CARD8: variants seen among roughly 807,000 people sequenced by gnomAD.
CARD8 encodes caspase recruitment domain-containing protein 8.
In CARD8, 38 loss-of-function variants were observed where a neutral mutation model predicts 53.2. That is an observed-to-expected ratio of 0.71 (90% CI 0.55 to 0.94). The LOEUF is 0.94. CARD8 is among the 40% of genes least tolerant of loss of function. The probability of loss-of-function intolerance (pLI) is 0.00; values close to 1 mark genes in which losing one functional copy is unlikely to be tolerated. For missense variants in CARD8, 561 were observed against 655.5 expected, an observed-to-expected ratio of 0.86 and a Z score of 1.57; for synonymous variants, 245 against 244.9, an observed-to-expected ratio of 1.00 and a Z score of 0.00.
chr19:48,206,255 T>G, downstream of CARD8: 1 of 336,668 alleles, frequency 3.0e-6, no homozygotes, highest in South Asian at 2.3e-5. Context: ...ACAGAAGAGT[T>G]TGGTGTTTTG....
intron 3 of CARD8, among the ~76,000 whole-genome samples, chr19:48,247,027 C>T (rs1549141): frequency 0.25 from 38,771 of 152,126 alleles, 5,714 homozygotes; most frequent in African/African-American, 0.4. Context: ...TGGCACTCTT[C>T]ATAAATACAA....
At position 48,215,356 on chromosome 19, in the gene CARD8, G is replaced by A; in HGVS notation, c.1332C>T (p.Ala444=). 1 of 1,611,162 alleles carries A rather than the reference G, an allele frequency of 6.2e-7. No homozygotes were observed. Among genetic ancestry groups the A allele is most frequent in the South Asian group, 1.1e-5 (1 of 91,008 alleles). ...PVDLQLVAAS[A]PPPFSGAAFV... ...TTCACTTACCTGAGAAAGGAGGAGG[G>A]GCTGATGCAGCTACAAGCTGGAGAT... The change falls in exon 13 of 14, where the codon GCC becomes GCT. Residue 444 remains alanine, a synonymous_variant. Transcript: ENST00000651546.
At chr19:48,227,279 G>C (rs770746178) in intron 10 of CARD8, among the ~76,000 whole-genome samples, 8 of 152,154 alleles carry the variant, frequency 5.3e-5, no homozygotes, top group Non-Finnish European at 7.3e-5. Context: ...CATATGGAGA[G>C]GGGAGGTTGG....
downstream of CARD8, among the ~76,000 whole-genome samples, chr19:48,207,432 A>G (rs1438192293): frequency 1.3e-5 from 2 of 152,168 alleles, no homozygotes; most frequent in African/African-American, 2.4e-5. Flanking sequence ...ACTCACCAGT[A>G]GTAGGCATTA....
At chr19:48,236,327 C>T (rs774538758) in intron 5 of CARD8, among the ~76,000 whole-genome samples, 20 of 152,154 alleles carry the variant, frequency 1.3e-4, no homozygotes, top group Non-Finnish European at 2.9e-4. Flanking sequence ...ATTCTCCTGC[C>T]TCAGCGTCCC....
At position 48,211,474 on chromosome 19, in the gene CARD8, G is replaced by T; in HGVS notation, c.*236C>A. The T allele has an allele frequency of 2.1e-6, 1 of 481,914 alleles. No individual in the cohort carries two copies. The highest frequency in any genetic ancestry group is 2.9e-5 in the South Asian group (1 of 34,966). The allele number at this position is 481,914 out of a possible 1,614,324, so 29.9% of individuals were successfully genotyped here. On this transcript the variant is annotated 3_prime_UTR_variant, in exon 14 of 14. Coordinates refer to ENST00000651546, the MANE Select transcript of CARD8 (RefSeq NM_001184900.3). ...TAAAATAGTGATATATCAAGCAATG[G>T]TTGGAAAAAATTTAAAAGGAATATT...
intron 6 of CARD8, chr19:48,233,958 G>A (rs779840437): frequency 1.2e-5 from 2 of 160,334 alleles, no homozygotes; most frequent in Non-Finnish European, 2.7e-5. Context: ...CTCATCAGGG[G>A]CTTCACGTTG....
chr19:48,254,859 TA>T (rs1238005865), intron 1 of CARD8, among the ~76,000 whole-genome samples: 6 of 152,230 alleles, frequency 3.9e-5, no homozygotes, highest in African/African-American at 1.4e-4. Flanking sequence ...TTCACAACCT[TA>T]AAAAAATATA....
chr19:48,247,717 T>TTA (rs1250267320), intron 3 of CARD8, among the ~76,000 whole-genome samples: 9 of 150,510 alleles, frequency 6.0e-5, no homozygotes, highest in South Asian at 2.1e-4. Flanking sequence ...ACGCAAAATT[T>TTA]TATATATATA....
intron 1 of CARD8, among the ~76,000 whole-genome samples, chr19:48,252,808 T>TATATATACACACACACACAC (rs113740488): frequency 9.4e-5 from 14 of 148,182 alleles, no homozygotes; most frequent in Non-Finnish European, 1.6e-4. Flanking sequence ...TATCAGTATA[T>TATATATACACACACACACAC]ACACACACAC....
intron 13 of CARD8, chr19:48,213,041 G>C (rs139478962): frequency 6.6e-6 from 1 of 152,198 alleles, no homozygotes; most frequent in Non-Finnish European, 1.5e-5. Context: ...TATGGAAGGC[G>C]GGACGAAGAC....
Position 48,221,604 on chromosome 19 carries a change from AT to A in CARD8, c.1161+125del, listed in dbSNP as rs555170984. ...TTAATACTATTTTTCTATAATTTCA[AT>A]TTTTTTAAAGGGCATATTTGTGATT... On this transcript the variant is annotated intron_variant, in intron 11 of 13. Transcript: ENST00000651546. 132 of 585,548 alleles carry A rather than the reference AT, an allele frequency of 2.3e-4. 1 individual carries two copies. In the East Asian group the frequency reaches 2.5e-3, roughly 11 times the overall value. 36.3% of individuals were successfully genotyped at this position (585,548 alleles called of 1,614,324 possible).
At chr19:48,234,276 A>T in intron 6 of CARD8, 127 bp downstream of exon 6, 1 of 921,872 alleles carries the variant, frequency 1.1e-6, no homozygotes, top group Non-Finnish European at 1.6e-6. Context: ...CATTGCTAGT[A>T]TTGCATAAGC....
At chr19:48,216,889 G>A (rs759420564) in intron 12 of CARD8, among the ~76,000 whole-genome samples, 10 of 152,146 alleles carry the variant, frequency 6.6e-5, no homozygotes, top group Non-Finnish European at 1.0e-4. Context: ...ACATTGTAAT[G>A]TATAATGAAA....
At chr19:48,224,590 T>C (rs1167407038) in intron 10 of CARD8, among the ~76,000 whole-genome samples, 1 of 152,104 alleles carries the variant, frequency 6.6e-6, no homozygotes, top group South Asian at 2.1e-4. Context: ...AAGTTCTCAG[T>C]GCAACAATAG....
intron 13 of CARD8, among the ~76,000 whole-genome samples, chr19:48,213,666 ACCCAGCCAACT>A (rs1434823111): frequency 6.6e-6 from 1 of 152,182 alleles, no homozygotes; most frequent in East Asian, 1.9e-4. Flanking sequence ...GAGCCACTGC[ACCCAGCCAACT>A]CTTTATATTA....
chr19:48,203,774 A>G (rs2037244018), downstream of CARD8: 1 of 168,694 alleles, frequency 5.9e-6, no homozygotes, highest in Non-Finnish European at 1.3e-5. Flanking sequence ...GCCCTTCCCG[A>G]TGTTTCATTG....
intron 4 of CARD8, among the ~76,000 whole-genome samples, chr19:48,240,198 C>A (rs981342189): frequency 6.6e-6 from 1 of 152,142 alleles, no homozygotes; most frequent in Non-Finnish European, 1.5e-5. Flanking sequence ...TCATTTTCTA[C>A]AAATGAGACA....
At chr19:48,217,856 T>C (rs10418300) in intron 12 of CARD8, among the ~76,000 whole-genome samples, 11,235 of 152,276 alleles carry the variant, frequency 0.074, 1,328 homozygotes, top group African/African-American at 0.25. Context: ...ATTGTGTTTA[T>C]GATGTTGAGC....
Sources: allele counts gnomAD v4.1 joint callset (sites outside exome capture counted in the v4.1 genomes callset), GRCh38; gene constraint gnomAD v4.1.1; transcripts MANE v1.5; gene names NCBI Gene and HGNC (gene_info 2026-07-23, HGNC 2026-07-21).